PCDHGB3: variants seen among roughly 807,000 people sequenced by gnomAD.
The protein encoded by PCDHGB3 is protocadherin gamma-B3.
A neutral mutation model predicts 59.2 loss-of-function variants in PCDHGB3; 40 were observed. That is an observed-to-expected ratio of 0.68 (90% CI 0.52 to 0.88). The LOEUF (loss-of-function observed/expected upper bound fraction) is 0.88. Among genes scored for constraint, PCDHGB3 ranks in the 40% least tolerant of loss-of-function variants. The pLI is 0.00. For synonymous variants in PCDHGB3, 581 were observed against 503.6 expected (o/e 1.15, Z -2.06); for missense variants, 1,309 against 1,187.9 (o/e 1.10, Z -1.50).
At chr5:141,389,766 C>G in intron 1 of PCDHGB3, 1 of 1,613,060 alleles carries the variant, frequency 6.2e-7, no homozygotes, top group Non-Finnish European at 8.5e-7. Flanking sequence ...GCGCACAGCG[C>G]GTGCCTTAGG....
intron 1 of PCDHGB3, among the ~76,000 whole-genome samples, chr5:141,434,384 G>T (rs980455943): frequency 2.6e-5 from 4 of 152,208 alleles, no homozygotes; most frequent in African/African-American, 4.8e-5. Context: ...CCCAAAACTG[G>T]CCATAAACAA....
At position 141,374,694 on chromosome 5, in the gene PCDHGB3, G is replaced by T. The variant is rs375847789; in HGVS notation, c.2415+1885G>T. The T allele has an allele frequency of 1.2e-6, 2 of 1,609,362 alleles. No individual in the cohort carries two copies. Among genetic ancestry groups the T allele is most frequent in the Non-Finnish European group, 1.7e-6 (2 of 1,177,726 alleles). On this transcript the variant is annotated intron_variant, in intron 1 of 3. Coordinates refer to ENST00000576222, the MANE Select transcript of PCDHGB3 (RefSeq NM_018924.5). ...CTGGAGGGCACACTGGACCGGGAAG[G>T]AGAAGCCGTTTACCGCCTGGTCCTT...
Position 141,371,097 on chromosome 5 carries a change from G to A in PCDHGB3, c.703G>A (p.Ala235Thr), listed in dbSNP as rs376198094. Residue 235 changes from alanine (A) to threonine (T), a missense_variant, in exon 1 of 4, where the codon GCA becomes ACA. Physicochemically the swap from Ala to Thr is moderately conservative, Grantham distance 58 (BLOSUM62 0). Transcript: ENST00000576222. ...CCAGATCAGGGTAATTGTCGCAGAT[G>A]CAAATGATAACCCCCCAGTATTTAC... ...TTQIRVIVADANDNPPVFTQD... is the reference protein window; with the variant it reads ...TTQIRVIVADTNDNPPVFTQD... 8 of 1,613,710 alleles carry A rather than the reference G, an allele frequency of 5.0e-6. No individual in the cohort carries two copies. Among genetic ancestry groups the A allele is most frequent in the Non-Finnish European group, 6.8e-6 (8 of 1,179,750 alleles).
chr5:141,476,236 AAG>A lies in PCDHGB3; in HGVS notation c.2416-18565_2416-18564del. ...TCATTCACTATGAGATCCCGGAGGA[AAG>A]AGAGAAGGGTTTCGCTGTGGGCAAC... is the stretch of plus-strand genomic sequence containing the variant. On this transcript the variant is annotated intron_variant, in intron 1 of 3. Transcript: ENST00000576222. The surrounding 1 kb of genome is among the most constrained non-coding windows in gnomAD (Gnocchi z 7.6). 2.5e-6 allele frequency: 4 copies of A among 1,613,980 alleles called. No individual in the cohort carries two copies. Among genetic ancestry groups the A allele is most frequent in the Non-Finnish European group, 3.4e-6 (4 of 1,180,004 alleles).
At position 141,490,688 on chromosome 5, in the gene PCDHGB3, C is replaced by A; in HGVS notation, c.2416-4119C>A. ...ACTGTGGCTGCCTCAGATCCAGACA[C>A]TGGGGATAATGCCCGCCTCACCTAC... On this transcript the variant is annotated intron_variant, in intron 1 of 3. Coordinates refer to ENST00000576222, the MANE Select transcript of PCDHGB3 (RefSeq NM_018924.5). The surrounding 1 kb of genome is among the most constrained non-coding windows in gnomAD (Gnocchi z 5.4). The A allele has an allele frequency of 6.2e-7, 1 of 1,614,218 alleles. No individual in the cohort carries two copies. The highest frequency in any genetic ancestry group is 8.5e-7 in the Non-Finnish European group (1 of 1,180,032).
At position 141,370,488 on chromosome 5, in the gene PCDHGB3, C is replaced by T. The variant is rs758506114; in HGVS notation, c.94C>T (p.Pro32Ser). 1.2e-6 allele frequency: 2 copies of T among 1,613,906 alleles called. No homozygotes were observed. The highest frequency in any genetic ancestry group is 3.3e-5 in the Admixed American group (2 of 60,030). ...LSLLDQALSE[P>S]IRYAIPEELD... is the part of the protein sequence containing the mutation. ...TTTGTTAGACCAGGCTCTCTCCGAACCGATCCGCTACGCTATTCCCGAGGA... is the reference window on the plus strand; with the variant it reads ...TTTGTTAGACCAGGCTCTCTCCGAATCGATCCGCTACGCTATTCCCGAGGA... Residue 32 changes from proline to serine, a missense_variant, in exon 1 of 4, where the codon CCG (proline) becomes TCG (serine). Physicochemically the swap from Pro to Ser is moderately conservative, Grantham distance 74. Coordinates refer to ENST00000576222, the MANE Select transcript of PCDHGB3 (RefSeq NM_018924.5).
At chr5:141,424,832 A>G (rs2096843522) in intron 1 of PCDHGB3, among the ~76,000 whole-genome samples, 1 of 152,174 alleles carries the variant, frequency 6.6e-6, no homozygotes. Context: ...TGCCTGACAT[A>G]CATGTTATCT....
intron 1 of PCDHGB3, among the ~76,000 whole-genome samples, chr5:141,459,838 A>G (rs944807247): frequency 6.6e-6 from 1 of 152,098 alleles, no homozygotes; most frequent in Non-Finnish European, 1.5e-5. Flanking sequence ...TGTGTTGTCT[A>G]TTTGTATATC....
intron 1 of PCDHGB3, among the ~76,000 whole-genome samples, chr5:141,449,549 A>G (rs1431239786): frequency 6.8e-6 from 1 of 147,830 alleles, no homozygotes; most frequent in East Asian, 2.0e-4. Context: ...AGATCGCACC[A>G]CTGCACTCCA....
intron 2 of PCDHGB3, among the ~76,000 whole-genome samples, chr5:141,495,601 G>A (rs1315613802): frequency 3.3e-5 from 5 of 152,004 alleles, no homozygotes; most frequent in South Asian, 2.1e-4. Context: ...CTTAGCTTCC[G>A]TCTTGATTGC....
At chr5:141,384,478 G>T (rs1350381914) in intron 1 of PCDHGB3, 1 of 1,613,986 alleles carries the variant, frequency 6.2e-7, no homozygotes, top group African/African-American at 1.3e-5. Flanking sequence ...GCAGTTGAGA[G>T]AACTACAACT....
intron 1 of PCDHGB3, among the ~76,000 whole-genome samples, chr5:141,484,454 G>A (rs932663778): frequency 6.6e-6 from 1 of 152,212 alleles, no homozygotes; most frequent in African/African-American, 2.4e-5. Context: ...AATTGGCTAC[G>A]TTAATGTGTA....
intron 1 of PCDHGB3, chr5:141,391,390 C>G (rs1268177633): frequency 6.6e-6 from 1 of 151,476 alleles, no homozygotes; most frequent in Non-Finnish European, 1.5e-5. Context: ...ATAGCTCCCT[C>G]CAGCCTCAAA....
In PCDHGB3 at chr5:141,511,284, G is replaced by A; in HGVS notation, c.*111G>A. Reference sequence around the variant, plus strand: ...AGGGCTAACCCCCAGAATACTGGTAGGGGCCAAGGCCATGCTCCCCTTGGG... The same window carrying A: ...AGGGCTAACCCCCAGAATACTGGTAAGGGCCAAGGCCATGCTCCCCTTGGG... On this transcript the variant is annotated 3_prime_UTR_variant, in exon 4 of 4. Coordinates refer to ENST00000576222, the MANE Select transcript of PCDHGB3 (RefSeq NM_018924.5). 6.5e-7 allele frequency: 1 copy of A among 1,528,376 alleles called. No individual in the cohort carries two copies. The highest frequency in any genetic ancestry group is 1.4e-5 in the African/African-American group (1 of 72,796). The allele number at this position is 1,528,376 out of a possible 1,614,324, so 94.7% of individuals were successfully genotyped here.
At chr5:141,415,198 G>T in intron 1 of PCDHGB3, 2 of 1,614,038 alleles carry the variant, frequency 1.2e-6, no homozygotes, top group Non-Finnish European at 1.7e-6. Context: ...CATCCCCCAA[G>T]TCCTGGCGGA....
At position 141,491,645 on chromosome 5, in the gene PCDHGB3, C is replaced by T; in HGVS notation, c.2416-3162C>T. On this transcript the variant is annotated intron_variant, in intron 1 of 3. Transcript: ENST00000576222. The surrounding 1 kb of genome is among the most constrained non-coding windows in gnomAD (Gnocchi z 6.9). ...AGCGTTCAGCAGCCCACAGCTCTGG[C>T]GCTGGAGCCTGACGCCATCCGGTCC... 1.2e-6 allele frequency: 2 copies of T among 1,613,890 alleles called. No homozygotes were observed. Among genetic ancestry groups the T allele is most frequent in the African/African-American group, 1.3e-5 (1 of 75,082 alleles).
chr5:141,478,319 T>A, intron 1 of PCDHGB3: 4 of 1,614,052 alleles, frequency 2.5e-6, no homozygotes, highest in Non-Finnish European at 3.4e-6. Flanking sequence ...GAGCTCACTG[T>A]ACCGAACACC....
chr5:141,413,390 C>G, intron 1 of PCDHGB3: 1 of 1,614,010 alleles, frequency 6.2e-7, no homozygotes, highest in Non-Finnish European at 8.5e-7. Context: ...CGCATAGTCT[C>G]CAGAGGTAGG....
chr5:141,399,143 A>G (rs750976328), intron 1 of PCDHGB3: 12 of 1,613,780 alleles, frequency 7.4e-6, no homozygotes, highest in Admixed American at 3.3e-5. Context: ...GAAAATGACA[A>G]TAGCCCAGAA....
Sources: allele counts gnomAD v4.1 joint callset (sites outside exome capture counted in the v4.1 genomes callset), GRCh38; gene constraint gnomAD v4.1.1; non-coding constraint Gnocchi (gnomAD v3.1); transcripts MANE v1.5; gene names NCBI Gene and HGNC (gene_info 2026-07-23, HGNC 2026-07-21).